Variants in CNKSR3 observed in about 807,000 individuals in gnomAD.
The protein encoded by CNKSR3 is connector enhancer of kinase suppressor of ras 3.
CNKSR3 carries 36 observed loss-of-function variants against 67.7 expected under a neutral mutation model. The ratio of observed to expected loss-of-function variants is 0.53; its 90% CI spans 0.41 to 0.70. The LOEUF is 0.70. CNKSR3 is among the 30% of genes least tolerant of loss of function. The pLI, the probability that CNKSR3 is intolerant of heterozygous loss-of-function variation, is 0.00. For missense variants in CNKSR3, 630 were observed against 695.2 expected (o/e 0.91, Z 1.05); for synonymous variants, 281 against 271.4 (o/e 1.04, Z -0.35).
chr6:154,396,449 A>T lies in CNKSR3; in HGVS notation c.*9905T>A, dbSNP rs944361546. 2.6e-5 allele frequency: 4 copies of T among 152,168 alleles called. No individual in the cohort carries two copies. The highest frequency in any genetic ancestry group is 6.5e-5 in the Admixed American group (1 of 15,276). 9.4% of individuals were successfully genotyped at this position (152,168 alleles called of 1,614,324 possible). A position where few individuals can be genotyped will look rare whatever the true frequency, so the allele number is the denominator to read the frequency against. ...ACAATTTTCACAGAAAATTTTAATA[A>T]TTTTTTCTAACTTCTTTTCTGATTG... On this transcript the variant is annotated 3_prime_UTR_variant, in exon 13 of 13. Transcript: ENST00000607772.
At chr6:154,439,176 T>G (rs1785531897) in intron 4 of CNKSR3, among the ~76,000 whole-genome samples, 3 of 152,164 alleles carry the variant, frequency 2.0e-5, no homozygotes, top group Non-Finnish European at 4.4e-5. Context: ...TGCTCTACCT[T>G]AATATAACCA....
At chr6:154,414,122 A>G (rs1236409292) in intron 10 of CNKSR3, among the ~76,000 whole-genome samples, 177 bp downstream of exon 10, 1 of 148,518 alleles carries the variant, frequency 6.7e-6, no homozygotes, top group Non-Finnish European at 1.5e-5. Flanking sequence ...CAGAACCCAG[A>G]TATGTCCCTA....
intron 1 of CNKSR3, among the ~76,000 whole-genome samples, chr6:154,474,928 T>C (rs371864608): frequency 1.3e-5 from 2 of 152,182 alleles, no homozygotes; most frequent in South Asian, 2.1e-4. Context: ...GGGCAGAGAC[T>C]GCGGGCCTCA....
At chr6:154,481,445 T>G (rs1786565930) in intron 1 of CNKSR3, among the ~76,000 whole-genome samples, 1 of 152,268 alleles carries the variant, frequency 6.6e-6, no homozygotes, top group Non-Finnish European at 1.5e-5. Flanking sequence ...AGTCTTATGC[T>G]TATTTGATAG....
chr6:154,436,030 G>A (rs1395351465), intron 4 of CNKSR3, among the ~76,000 whole-genome samples: 6 of 152,168 alleles, frequency 3.9e-5, no homozygotes, highest in Non-Finnish European at 5.9e-5. Context: ...CGCGTCAAGC[G>A]TGGATGCACA....
chr6:154,414,981 C>T (rs1223037801), intron 9 of CNKSR3, among the ~76,000 whole-genome samples: 1 of 150,906 alleles, frequency 6.6e-6, no homozygotes, highest in Admixed American at 6.6e-5. Context: ...GCCTGTAGTC[C>T]CAGCTACTTG....
chr6:154,430,526 C>G lies in CNKSR3; in HGVS notation c.615G>C (p.Gln205His), dbSNP rs1224402878. 1 of 1,612,986 alleles carries G rather than the reference C, an allele frequency of 6.2e-7. No homozygotes were observed. The highest frequency in any genetic ancestry group is 8.5e-7 in the Non-Finnish European group (1 of 1,179,550). Residue 205 changes from glutamine to histidine, a missense_variant, in exon 6 of 13, where the codon CAG becomes CAC. Gln to His is a conservative substitution (Grantham distance 24, BLOSUM62 0). Transcript: ENST00000607772. ...AGTGAACTTCCTCCAGACATGCACA[C>G]TGGCTCATCACAGGATCTGTGGTAG... ...IRSTTDPVMS[Q>H]CACLEEVHLP...
rs1784698310 is a variant in CNKSR3 at position 154,399,917 on chromosome 6, A to G, written c.*6437T>C. The G allele has an allele frequency of 6.6e-6, 1 of 152,110 alleles. No homozygotes were observed. The highest frequency in any genetic ancestry group is 1.5e-5 in the Non-Finnish European group (1 of 68,018). The allele number at this position is 152,110 out of a possible 1,614,324, so 9.4% of individuals were successfully genotyped here. On this transcript the variant is annotated 3_prime_UTR_variant, in exon 13 of 13. Coordinates refer to ENST00000607772, the MANE Select transcript of CNKSR3 (RefSeq NM_173515.4). ...TAATGGGTCTAGTCAGTGGAAGAAC[A>G]TTTCTCTCATTTTAATCATTTTTCT...
rs1784714290 is a variant in CNKSR3, at chr6:154,401,192, C to T, written c.*5162G>A. On this transcript the variant is annotated 3_prime_UTR_variant, in exon 13 of 13. Coordinates refer to ENST00000607772, the MANE Select transcript of CNKSR3 (RefSeq NM_173515.4). ...TATGGATTGCATGTTTATGTCCTCC[C>T]AAAATTCATCTGTTGAAACCCTAAT... The T allele has an allele frequency of 6.6e-6, 1 of 152,148 alleles. No individual in the cohort carries two copies. Among genetic ancestry groups the T allele is most frequent in the Non-Finnish European group, 1.5e-5 (1 of 68,020 alleles). The allele number at this position is 152,148 out of a possible 1,614,324, so 9.4% of individuals were successfully genotyped here.
intron 1 of CNKSR3, among the ~76,000 whole-genome samples, chr6:154,505,537 G>A (rs963638933): frequency 5.5e-5 from 8 of 146,142 alleles, no homozygotes; most frequent in Non-Finnish European, 9.0e-5. Context: ...TCACTCTGTC[G>A]CCTAGGCTGG....
At chr6:154,414,520 G>A (rs1025045902) in intron 9 of CNKSR3, 97 bp from the exon 10 acceptor site, 46 of 1,297,804 alleles carry the variant, frequency 3.5e-5, no homozygotes, top group Non-Finnish European at 4.5e-5. Context: ...CACCAACCCC[G>A]TGTCTGAACA....
At chr6:154,435,419 A>G (rs1355480281) in intron 4 of CNKSR3, among the ~76,000 whole-genome samples, 1 of 152,150 alleles carries the variant, frequency 6.6e-6, no homozygotes. Context: ...GGTTCCTACA[A>G]CTTGATTCCT....
rs1031635580 is a variant in CNKSR3, at chr6:154,392,934, G to C, written c.*13420C>G. The C allele has an allele frequency of 6.6e-6, 1 of 151,878 alleles. No homozygotes were observed. The highest frequency in any genetic ancestry group is 2.5e-5 in the African/African-American group (1 of 40,740). The allele number at this position is 151,878 out of a possible 1,614,324, so 9.4% of individuals were successfully genotyped here. A position where few individuals can be genotyped will look rare whatever the true frequency, so the allele number is the denominator to read the frequency against. The stretch of plus-strand genomic sequence containing the variant: ...TTGTTTGTTTGTTTGTTTGTTTGGA[G>C]ATGGAGTCTCATTCTGTCGCCCAGG... On this transcript the variant is annotated 3_prime_UTR_variant, in exon 13 of 13. Coordinates refer to ENST00000607772, the MANE Select transcript of CNKSR3 (RefSeq NM_173515.4).
intron 12 of CNKSR3, among the ~76,000 whole-genome samples, chr6:154,408,776 A>C (rs73011446): frequency 0.049 from 7,409 of 152,302 alleles, 242 homozygotes; most frequent in African/African-American, 0.083. Flanking sequence ...TTTCATGCAA[A>C]GAGTTATATC....
intron 1 of CNKSR3, among the ~76,000 whole-genome samples, chr6:154,484,932 T>C (rs570501447): frequency 3.3e-5 from 5 of 152,318 alleles, no homozygotes; most frequent in African/African-American, 1.2e-4. Context: ...TGGTAGCTGC[T>C]ACTGACCTCC....
At chr6:154,483,558 A>T (rs546505812) in intron 1 of CNKSR3, among the ~76,000 whole-genome samples, 3 of 152,278 alleles carry the variant, frequency 2.0e-5, no homozygotes, top group African/African-American at 7.2e-5. Flanking sequence ...TCTTTAAAAA[A>T]AAAACGAAAC....
rs2128707781 is a variant in CNKSR3, at chr6:154,389,699, G to T, written c.*16655C>A. 1 of 152,220 alleles carries T rather than the reference G, an allele frequency of 6.6e-6. No homozygotes were observed. Among genetic ancestry groups the T allele is most frequent in the South Asian group, 2.1e-4 (1 of 4,822 alleles). 9.4% of individuals were successfully genotyped at this position (152,220 alleles called of 1,614,324 possible). A position where few individuals can be genotyped will look rare whatever the true frequency, so the allele number is the denominator to read the frequency against. On this transcript the variant is annotated 3_prime_UTR_variant, in exon 13 of 13. Coordinates refer to ENST00000607772, the MANE Select transcript of CNKSR3 (RefSeq NM_173515.4). ...TGTTAGAATAAAGGAATTCAATAAA[G>T]TTGCATAATACAAAATCAACATACA... is the stretch of plus-strand genomic sequence containing the variant.
intron 1 of CNKSR3, among the ~76,000 whole-genome samples, chr6:154,476,508 C>T (rs1445356616): frequency 6.6e-6 from 1 of 150,424 alleles, no homozygotes; most frequent in African/African-American, 2.4e-5. Flanking sequence ...TGTTTGTTCT[C>T]ATTTTAGAAA....
chr6:154,465,998 T>C (rs1786190438), intron 1 of CNKSR3, among the ~76,000 whole-genome samples: 1 of 152,232 alleles, frequency 6.6e-6, no homozygotes, highest in South Asian at 2.1e-4. Flanking sequence ...TAAGCAGCCA[T>C]ATGCAACTGA....
Sources: gnomAD v4.1 joint callset for allele counts (sites outside exome capture counted in the v4.1 genomes callset) on GRCh38, gnomAD v4.1.1 for gene constraint, MANE v1.5 for transcripts, NCBI Gene and HGNC (gene_info 2026-07-23, HGNC 2026-07-21) for gene names.